Variants in CFAP96 observed in about 807,000 individuals in gnomAD.
CFAP96 encodes the protein cilia-and flagella-associated protein 96.
the CFAP96 span, among the ~76,000 whole-genome samples, chr4:185,423,994 C>T: frequency 6.6e-6 from 1 of 152,090 alleles, no homozygotes; most frequent in Non-Finnish European, 1.5e-5. Context: ...CTAACATTTA[C>T]TGAGCTCTTC....
chr4:185,429,632 AGTTT>A, the CFAP96 span: 5 of 625,014 alleles, frequency 8.0e-6, no homozygotes, highest in Non-Finnish European at 1.3e-5. Flanking sequence ...TTAGTTCTAA[AGTTT>A]GTTAACGTGT....
chr4:185,443,342 A>ATATATATTTTTTTTTTTT, the CFAP96 span, among the ~76,000 whole-genome samples: 9 of 26,720 alleles, frequency 3.4e-4, no homozygotes, highest in African/African-American at 8.1e-4. Flanking sequence ...ATATATATAT[A>ATATATATTTTTTTTTTTT]TTTTTTTTTT....
At chr4:185,433,730 C>T in the CFAP96 span, among the ~76,000 whole-genome samples, 2 of 151,828 alleles carry the variant, frequency 1.3e-5, no homozygotes, top group Non-Finnish European at 2.9e-5. Context: ...GGCGAAACCC[C>T]GTCTCTACTA....
chr4:185,440,748 T>A, the CFAP96 span: 7 of 914,434 alleles, frequency 7.7e-6, no homozygotes, highest in Non-Finnish European at 9.9e-6. Context: ...GATGAAAAAA[T>A]TAAGTATTAT....
the CFAP96 span, among the ~76,000 whole-genome samples, chr4:185,439,834 ATC>A: frequency 5.6e-3 from 829 of 147,966 alleles, 5 homozygotes; most frequent in Non-Finnish European, 8.4e-3. Flanking sequence ...TATATACATA[ATC>A]TCATATATAC....
the CFAP96 span, among the ~76,000 whole-genome samples, chr4:185,433,045 A>G: frequency 6.6e-6 from 1 of 152,114 alleles, no homozygotes; most frequent in African/African-American, 2.4e-5. Flanking sequence ...TGATGAAGAA[A>G]ATAATTGATC....
At chr4:185,416,507 T>C in the CFAP96 span, among the ~76,000 whole-genome samples, 1 of 152,212 alleles carries the variant, frequency 6.6e-6, no homozygotes, top group Non-Finnish European at 1.5e-5. Context: ...CTGAGGATCC[T>C]GGGAGTCAGA....
the CFAP96 span, among the ~76,000 whole-genome samples, chr4:185,417,670 A>G: frequency 6.6e-6 from 1 of 152,170 alleles, no homozygotes; most frequent in Non-Finnish European, 1.5e-5. Context: ...CGTGCCTTGA[A>G]GACGCATCTC....
the CFAP96 span, among the ~76,000 whole-genome samples, chr4:185,423,828 A>G: frequency 6.6e-6 from 1 of 152,114 alleles, no homozygotes; most frequent in Non-Finnish European, 1.5e-5. Context: ...ACACACACAC[A>G]CGAGAGAAAG....
At chr4:185,412,049 G>C in the CFAP96 span, among the ~76,000 whole-genome samples, 2 of 152,174 alleles carry the variant, frequency 1.3e-5, no homozygotes, top group Non-Finnish European at 2.9e-5. Context: ...AGTGGGTAGG[G>C]AAAGAGCACA....
chr4:185,415,995 G>C, the CFAP96 span: 4 of 680,620 alleles, frequency 5.9e-6, no homozygotes, highest in Non-Finnish European at 9.2e-6. Flanking sequence ...AAGTACAGTA[G>C]TGAAAAGGGG....
At chr4:185,444,843 A>G in the CFAP96 span, 5 of 824,764 alleles carry the variant, frequency 6.1e-6, no homozygotes, top group African/African-American at 8.6e-5. Flanking sequence ...TGAATTAAAC[A>G]GTATCATTTT....
At chr4:185,421,805 T>C in the CFAP96 span, among the ~76,000 whole-genome samples, 1 of 152,236 alleles carries the variant, frequency 6.6e-6, no homozygotes, top group African/African-American at 2.4e-5. Context: ...TCATGAGTGA[T>C]TTCATTTATA....
chr4:185,445,536 A>G, the CFAP96 span: 1 of 1,558,762 alleles, frequency 6.4e-7, no homozygotes, highest in South Asian at 1.1e-5. Context: ...TTTAACTTTG[A>G]AATAACCTAT....
At chr4:185,425,733 G>A in the CFAP96 span, 3 of 1,362,450 alleles carry the variant, frequency 2.2e-6, no homozygotes, top group Non-Finnish European at 1.0e-6. Context: ...GAGCCGCCCT[G>A]CCCACGCAGC....
At chr4:185,413,735 C>T in the CFAP96 span, 1 of 1,609,638 alleles carries the variant, frequency 6.2e-7, no homozygotes, top group South Asian at 1.1e-5. Context: ...CCATACCAGT[C>T]TCCATGTTAG....
At chr4:185,431,896 CAT>C in the CFAP96 span, 5 of 1,113,562 alleles carry the variant, frequency 4.5e-6, no homozygotes, top group Non-Finnish European at 6.4e-6. Context: ...TGGCCCAAAT[CAT>C]ATTTGGAAAT....
At chr4:185,415,813 C>T in the CFAP96 span, 1 of 1,613,596 alleles carries the variant, frequency 6.2e-7, no homozygotes, top group Admixed American at 1.7e-5. Context: ...ATGGGCGTTA[C>T]AGCTGCCAGG....
chr4:185,417,577 C>T, the CFAP96 span, among the ~76,000 whole-genome samples: 22 of 152,318 alleles, frequency 1.4e-4, no homozygotes, highest in East Asian at 3.5e-3. Context: ...AAGAGGCCCA[C>T]GCCCACCTCT....
Sources: allele counts gnomAD v4.1 joint callset (sites outside exome capture counted in the v4.1 genomes callset), GRCh38; gene constraint gnomAD v4.1.1; transcripts MANE v1.5; gene names NCBI Gene and HGNC (gene_info 2026-07-23, HGNC 2026-07-21).